The following IL1RAPL1 variants were observed in gnomAD, a reference collection of about 807,000 sequenced individuals.
IL1RAPL1 encodes the protein interleukin 1 receptor accessory protein like 1.
Under a neutral mutation model 48.4 loss-of-function variants are expected in IL1RAPL1, and 3 were observed. The observed-to-expected ratio is 0.06, with a 90% CI of 0.03 to 0.16. The LOEUF is 0.16. IL1RAPL1 is among the 10% of genes least tolerant of loss of function. The pLI, the probability that IL1RAPL1 is intolerant of heterozygous loss-of-function variation, is 1.00. For missense variants in IL1RAPL1, 349 were observed against 530.6 expected (o/e 0.66, Z 3.36); for synonymous variants, 185 against 187.7 (o/e 0.99, Z 0.12).
intron 2 of IL1RAPL1, among the ~76,000 whole-genome samples, chrX:29,234,526 C>T (rs185397039): frequency 3.9e-4 from 44 of 111,951 alleles, no homozygotes; most frequent in African/African-American, 5.8e-4. Flanking sequence ...TCTAGAAGAA[C>T]GCTAACATTT....
At chrX:29,190,357 T>A (rs766263127) in intron 2 of IL1RAPL1, among the ~76,000 whole-genome samples, 2 of 111,861 alleles carry the variant, frequency 1.8e-5, no homozygotes, top group African/African-American at 6.5e-5. Flanking sequence ...TTAAGTTTCA[T>A]TGGTTGACTC....
intron 1 of IL1RAPL1, among the ~76,000 whole-genome samples, chrX:28,614,771 T>G (rs777472296): frequency 8.9e-6 from 1 of 112,404 alleles, no homozygotes; most frequent in African/African-American, 3.2e-5. Context: ...TCAATGCCAG[T>G]TGTACAATAC....
chrX:29,762,392 C>T (rs1254794423), intron 6 of IL1RAPL1, among the ~76,000 whole-genome samples: 1 of 111,880 alleles, frequency 8.9e-6, no homozygotes, highest in East Asian at 2.8e-4. Flanking sequence ...TGAAAAATTA[C>T]TCCTTGAATT....
chrX:29,077,689 T>C (rs1456798204), intron 2 of IL1RAPL1, among the ~76,000 whole-genome samples: 2 of 110,393 alleles, frequency 1.8e-5, no homozygotes, highest in African/African-American at 6.6e-5. Context: ...CATACCAGAC[T>C]ATAGTGAGAG....
intron 1 of IL1RAPL1, among the ~76,000 whole-genome samples, chrX:28,724,470 A>G (rs1358677569): frequency 3.6e-5 from 4 of 109,767 alleles, no homozygotes; most frequent in Admixed American, 2.0e-4. Flanking sequence ...CCATCCCTTT[A>G]TTTTGAGCCT....
rs191161911 is a variant in IL1RAPL1 at position 28,909,291 on chromosome X, T to C, written c.82+119866T>C. ...GAAGTTAAAGTCACTAGGTTTATTA[T>C]TCCTTGCAACATAAATTAATGGCTC... On this transcript the variant is annotated intron_variant, in intron 2 of 10. Coordinates refer to ENST00000378993, the MANE Select transcript of IL1RAPL1 (RefSeq NM_014271.4). 1.5e-4 allele frequency among the ~76,000 whole-genome samples: 17 copies of C among 111,901 alleles called. No homozygotes were observed. In the East Asian group the frequency reaches 4.8e-3, roughly 31 times the overall value.
At chrX:29,243,653 A>G (rs1017016150) in intron 2 of IL1RAPL1, among the ~76,000 whole-genome samples, 1 of 111,793 alleles carries the variant, frequency 8.9e-6, no homozygotes, top group Non-Finnish European at 1.9e-5. Flanking sequence ...TAACTTCAAA[A>G]GTAATGATTA....
intron 2 of IL1RAPL1, among the ~76,000 whole-genome samples, chrX:29,033,562 T>C (rs1926666153): frequency 1.8e-5 from 2 of 111,260 alleles, no homozygotes; most frequent in South Asian, 7.5e-4. Flanking sequence ...TCAAAGTCTT[T>C]GAATGACATT....
chrX:29,086,517 CTTCCT>C (rs1296976154), intron 2 of IL1RAPL1, among the ~76,000 whole-genome samples: 1 of 111,964 alleles, frequency 8.9e-6, no homozygotes, highest in African/African-American at 3.2e-5. Flanking sequence ...TGCCTCACTT[CTTCCT>C]TTCTTTTCTT....
At chrX:29,572,440 ATTTC>A (rs1481355163) in intron 5 of IL1RAPL1, among the ~76,000 whole-genome samples, 5 of 112,638 alleles carry the variant, frequency 4.4e-5, no homozygotes, top group Non-Finnish European at 9.4e-5. Flanking sequence ...GGCTATTACA[ATTTC>A]TTTGTCTTTA....
intron 2 of IL1RAPL1, among the ~76,000 whole-genome samples, chrX:28,824,859 C>G (rs1487319788): frequency 9.0e-6 from 1 of 111,324 alleles, no homozygotes; most frequent in Non-Finnish European, 1.9e-5. Context: ...TTTGAAAACC[C>G]TATTATAGTT....
intron 2 of IL1RAPL1, among the ~76,000 whole-genome samples, chrX:29,160,485 A>G (rs1929660560): frequency 8.9e-6 from 1 of 112,031 alleles, no homozygotes; most frequent in African/African-American, 3.2e-5. Context: ...AATAATATAG[A>G]TGATACTACT....
At chrX:28,742,444 A>G (rs902445793) in intron 1 of IL1RAPL1, among the ~76,000 whole-genome samples, 1 of 111,329 alleles carries the variant, frequency 9.0e-6, no homozygotes, top group Admixed American at 9.6e-5. Flanking sequence ...GTATTTTCCT[A>G]TTTTTATTTC....
intron 1 of IL1RAPL1, among the ~76,000 whole-genome samples, chrX:28,639,358 C>T (rs1022753065): frequency 1.8e-5 from 2 of 111,926 alleles, no homozygotes; most frequent in Non-Finnish European, 3.8e-5. Flanking sequence ...AACAACATTC[C>T]TTTCACAAAT....
chrX:29,791,982 C>T (rs1198163247), intron 6 of IL1RAPL1, among the ~76,000 whole-genome samples: 2 of 107,068 alleles, frequency 1.9e-5, no homozygotes, highest in South Asian at 4.1e-4. Context: ...TTGCCCTCCT[C>T]GGCCTCCCAA....
chrX:28,824,157 A>G (rs75424982), intron 2 of IL1RAPL1, among the ~76,000 whole-genome samples: 1 of 111,586 alleles, frequency 9.0e-6, no homozygotes, highest in East Asian at 2.8e-4. Flanking sequence ...CTACACCTCA[A>G]TTTAAGCTCC....
At chrX:28,848,966 G>C (rs938849591) in intron 2 of IL1RAPL1, among the ~76,000 whole-genome samples, 1 of 111,472 alleles carries the variant, frequency 9.0e-6, no homozygotes, top group African/African-American at 3.3e-5. Context: ...TTCATTCTGA[G>C]TCTGTAAACC....
rs751630024 is a variant in IL1RAPL1 at position 29,608,781 on chromosome X, T to G, written c.704-59649T>G. ...GCGGAGCTTGCAGTGAGCCGAGATCTCACCACTGCACTCCAGCCTGGGCGA... is the reference window on the plus strand; with the variant it reads ...GCGGAGCTTGCAGTGAGCCGAGATCGCACCACTGCACTCCAGCCTGGGCGA... On this transcript the variant is annotated intron_variant, in intron 5 of 10. Coordinates refer to ENST00000378993, the MANE Select transcript of IL1RAPL1 (RefSeq NM_014271.4). Among the ~76,000 whole-genome samples the G allele has an allele frequency of 1.9e-4, 19 of 102,206 alleles. No homozygotes were observed. The East Asian group carries it at 1.9e-3, about 10-fold the overall frequency. 88.8% of individuals were successfully genotyped at this position (102,206 alleles called of 115,157 possible).
chrX:29,188,144 A>G (rs1031601605), intron 2 of IL1RAPL1, among the ~76,000 whole-genome samples: 1 of 112,021 alleles, frequency 8.9e-6, no homozygotes. Flanking sequence ...TGTGGTTAAA[A>G]TCATTCTCCT....
Sources: gnomAD v4.1 joint callset for allele counts (sites outside exome capture counted in the v4.1 genomes callset) on GRCh38, gnomAD v4.1.1 for gene constraint, MANE v1.5 for transcripts, NCBI Gene and HGNC (gene_info 2026-07-23, HGNC 2026-07-21) for gene names.